The following RPL12 variants were observed in gnomAD, a reference collection of about 807,000 sequenced individuals.
RPL12 encodes ribosomal protein L12.
RPL12 carries 10 observed loss-of-function variants against 24.5 expected under a neutral mutation model. The observed-to-expected ratio is 0.41, with a 90% CI of 0.25 to 0.69. RPL12 has a LOEUF of 0.69. RPL12 is among the 30% of genes least tolerant of loss of function. The probability of loss-of-function intolerance (pLI) is 0.33; values close to 1 mark genes in which losing one functional copy is unlikely to be tolerated. For synonymous variants in RPL12, 74 were observed against 76.1 expected (o/e 0.97, Z 0.14); for missense variants, 137 against 205.3 (o/e 0.67, Z 2.03).
intron 3 of RPL12, 75 bp from the exon 4 acceptor site, chr9:127,449,437 G>C (rs977843431): frequency 9.8e-6 from 14 of 1,425,686 alleles, no homozygotes; most frequent in Middle Eastern, 1.7e-4. Flanking sequence ...CAAAAATCAT[G>C]GCCACACACT....
intron 5 of RPL12, 78 bp downstream of exon 5, chr9:127,448,259 C>A: frequency 8.0e-7 from 1 of 1,242,848 alleles, no homozygotes; most frequent in Non-Finnish European, 1.2e-6. Context: ...ACTGAGCACC[C>A]TTCAAGTAAG....
rs1385151841 is a variant in RPL12, at chr9:127,447,861, T to C, written c.492+16A>G. The C allele has an allele frequency of 5.6e-6, 9 of 1,610,688 alleles. No individual in the cohort carries two copies. The highest frequency in any genetic ancestry group is 1.1e-5 in the South Asian group (1 of 90,368). On this transcript the variant is annotated intron_variant, in intron 6 of 6. Transcript: ENST00000361436. ...CCCCCTTTCACCCCTACTGTAACAA[T>C]GAAAATGTCACTTACGGCTGGGCAT...
At chr9:127,448,108 C>G in intron 5 of RPL12, 119 bp from the exon 6 acceptor site, 3 of 1,256,548 alleles carry the variant, frequency 2.4e-6, no homozygotes, top group Non-Finnish European at 3.3e-6. Context: ...TTCCTGCTCC[C>G]CTAATATAGA....
At chr9:127,450,554 G>A (rs1834273601) in intron 2 of RPL12, 177 bp downstream of exon 2, 6 of 550,660 alleles carry the variant, frequency 1.1e-5, no homozygotes, top group Non-Finnish European at 1.9e-5. Context: ...AAAGGCACCA[G>A]GTTCGATTTT....
intron 1 of RPL12, 102 bp downstream of exon 1, chr9:127,451,179 G>C (rs1335217756): frequency 9.5e-6 from 14 of 1,479,868 alleles, no homozygotes; most frequent in Non-Finnish European, 1.0e-5. Flanking sequence ...AGGTCTCTGG[G>C]AGGCAGCGGC....
At chr9:127,448,199 T>C (rs1834205916) in intron 5 of RPL12, 138 bp downstream of exon 5, 1 of 974,796 alleles carries the variant, frequency 1.0e-6, no homozygotes, top group Non-Finnish European at 1.6e-6. Context: ...CACATCCAAT[T>C]TACGATCCAT....
chr9:127,451,157 G>A, intron 1 of RPL12, 124 bp downstream of exon 1: 4 of 1,318,456 alleles, frequency 3.0e-6, no homozygotes, highest in South Asian at 1.4e-5. Context: ...CCGGGGCGGC[G>A]CAACACCGGG....
rs1482199714 is a variant in RPL12, at chr9:127,451,291, C to G, written c.27G>C (p.Glu9Asp). Residue 9 changes from glutamate to aspartate, a missense_variant, in exon 1 of 7, where the codon GAG (glutamate) becomes GAC (aspartate). By Grantham distance (45) the Glu-to-Asp change is conservative. Around this residue, in one of 3 missense-constraint regions of RPL12, gnomAD observed 18 missense variants for 27.1 expected, o/e 0.67. Transcript: ENST00000361436. Reference sequence around the variant, plus strand: ...AACCAGAGCACGCACCGACTTTGATCTCGTTGGGGTCGAACTTCGGCGGCA... The same window carrying G: ...AACCAGAGCACGCACCGACTTTGATGTCGTTGGGGTCGAACTTCGGCGGCA... MPPKFDPN[E>D]IKVVYLRCTG... 1 of 1,613,126 alleles carries G rather than the reference C, an allele frequency of 6.2e-7. No homozygotes were observed. Among genetic ancestry groups the G allele is most frequent in the African/African-American group, 1.3e-5 (1 of 74,932 alleles).
At chr9:127,449,843 C>T (rs957558706) in intron 2 of RPL12, 135 bp from the exon 3 acceptor site, 5 of 679,958 alleles carry the variant, frequency 7.4e-6, no homozygotes, top group Admixed American at 2.2e-5. Context: ...CAGAGCACAG[C>T]TATCACCATA....
At chr9:127,447,770 T>C in intron 6 of RPL12, 44 bp from the exon 7 acceptor site, 1 of 1,613,534 alleles carries the variant, frequency 6.2e-7, no homozygotes, top group Non-Finnish European at 8.5e-7. Context: ...TTAAAAGGAT[T>C]ATCCCACCCC....
chr9:127,451,069 C>CA (rs1224200947), intron 1 of RPL12: 16 of 702,088 alleles, frequency 2.3e-5, no homozygotes, highest in Non-Finnish European at 3.0e-5. Context: ...TGCGGGCTCC[C>CA]AAGCCGCCAC....
chr9:127,449,948 A>C lies in RPL12; in HGVS notation c.112-240T>G, dbSNP rs1834247897. On this transcript the variant is annotated intron_variant, in intron 2 of 6. Coordinates refer to ENST00000361436, the MANE Select transcript of RPL12 (RefSeq NM_000976.4). ...CCCCCTCCTAAGTGCCCATGTGCTTAAGGAGGGGGATTTTCAGCCCTGCTG... is the reference window on the plus strand; with the variant it reads ...CCCCCTCCTAAGTGCCCATGTGCTTCAGGAGGGGGATTTTCAGCCCTGCTG... The C allele has an allele frequency of 1.4e-5, 7 of 495,478 alleles. No homozygotes were observed. The South Asian group carries it at 1.6e-4, about 12-fold the overall frequency. 30.7% of individuals were successfully genotyped at this position (495,478 alleles called of 1,614,324 possible).
intron 5 of RPL12, 88 bp from the exon 6 acceptor site, chr9:127,448,077 C>A: frequency 2.1e-6 from 3 of 1,448,320 alleles, no homozygotes; most frequent in Non-Finnish European, 2.8e-6. Context: ...GGGTTCATAG[C>A]AGGCAATGGA....
chr9:127,451,369 G>T lies in RPL12; in HGVS notation c.-52C>A, dbSNP rs3808833. The T allele has an allele frequency of 1.8e-5, 29 of 1,608,820 alleles. No individual in the cohort carries two copies. Among genetic ancestry groups the T allele is most frequent in the African/African-American group, 1.5e-4 (11 of 74,860 alleles). ...CCCGGATTCGGGACGACCGAAGGAA[G>T]TTGCACCTTGGCCTCCTCCGAGCCG... On this transcript the variant is annotated 5_prime_UTR_variant, in exon 1 of 7. Transcript: ENST00000361436.
At chr9:127,450,595 C>G (rs1241275584) in intron 2 of RPL12, 136 bp downstream of exon 2, 3 of 621,496 alleles carry the variant, frequency 4.8e-6, no homozygotes, top group Admixed American at 3.4e-5. Context: ...GTACCTAGTA[C>G]TTGTTCAGTG....
At chr9:127,448,757 T>G (rs1032669489) in intron 4 of RPL12, 1 of 444,768 alleles carries the variant, frequency 2.2e-6, no homozygotes, top group South Asian at 1.9e-5. Flanking sequence ...GTCTCCTGAT[T>G]ATAGGTCATT....
At chr9:127,448,043 T>C (rs2131971789) in intron 5 of RPL12, 54 bp from the exon 6 acceptor site, 2 of 1,550,040 alleles carry the variant, frequency 1.3e-6, no homozygotes, top group South Asian at 2.5e-5. Flanking sequence ...CCTCACAATC[T>C]GCAGATACTG....
rs1238926248 is a variant in RPL12, at chr9:127,450,809, G to C, written c.38-5C>G. ...CTCCGGTGCACCTCAGGTATACTGG[G>C]GGAAAAGAAGAGTTAGTGTCTGTGC... is the stretch of plus-strand genomic sequence containing the variant. On this transcript the variant is annotated splice_polypyrimidine_tract_variant and splice_region_variant and intron_variant, in intron 1 of 6. Coordinates refer to ENST00000361436, the MANE Select transcript of RPL12 (RefSeq NM_000976.4). 2 of 1,560,200 alleles carry C rather than the reference G, an allele frequency of 1.3e-6. No homozygotes were observed. The highest frequency in any genetic ancestry group is 2.7e-5 in the African/African-American group (2 of 73,464).
At chr9:127,447,816 CTG>C (rs1001056287) in intron 6 of RPL12, 59 bp downstream of exon 6, 33 of 1,612,098 alleles carry the variant, frequency 2.0e-5, no homozygotes, top group Non-Finnish European at 2.6e-5. Flanking sequence ...CAGCTTATCT[CTG>C]TGAATACACT....
Sources: allele counts gnomAD v4.1 joint callset, GRCh38; gene constraint gnomAD v4.1.1; regional missense constraint gnomAD v4.1.1; transcripts MANE v1.5; gene names NCBI Gene and HGNC (gene_info 2026-07-23, HGNC 2026-07-21).